MBNL2: variants seen among roughly 807,000 people sequenced by gnomAD.
MBNL2 encodes the protein muscleblind-like protein 2.
In MBNL2, 17 loss-of-function variants were observed where a neutral mutation model predicts 41.9. The ratio of observed to expected loss-of-function variants is 0.41; its 90% confidence interval spans 0.28 to 0.61. The LOEUF is 0.61. MBNL2 is among the 20% of genes least tolerant of loss of function. The probability of loss-of-function intolerance (pLI) is 0.35; values close to 1 mark genes in which losing one functional copy is unlikely to be tolerated. For synonymous variants in MBNL2, 195 were observed against 182.9 expected (o/e 1.07, Z -0.53); for missense variants, 336 against 505.6 (o/e 0.66, Z 3.22).
chr13:97,266,259 AAATT>A (rs1301370011), intron 1 of MBNL2, among the ~76,000 whole-genome samples: 85 of 151,826 alleles, frequency 5.6e-4, no homozygotes, highest in Non-Finnish European at 5.6e-4. Context: ...ATAAATAAAT[AAATT>A]AATTAATTAA....
intron 7 of MBNL2, among the ~76,000 whole-genome samples, chr13:97,364,367 T>G (rs2063680859): frequency 6.6e-6 from 1 of 152,174 alleles, no homozygotes. Flanking sequence ...CTCTGCACTA[T>G]TTTGCTCTAC....
rs774601646 is a variant in MBNL2, at chr13:97,391,443, A to G, written c.1170A>G (p.Ala390=). 1 of 1,216,660 alleles carries G rather than the reference A, an allele frequency of 8.2e-7. No homozygotes were observed. The highest frequency in any genetic ancestry group is 1.2e-5 in the South Asian group (1 of 83,106). 75.4% of individuals were successfully genotyped at this position (1,216,660 alleles called of 1,614,324 possible). ...CCTCAATAGAATTGCCACAAACTGC[A>G]TGCTAAATAAAGATGTAGTTCTTCT... ...VSSSIELPQT[A]C Residue 390 remains alanine (A), a synonymous_variant, in exon 9 of 9, where the codon GCA becomes GCG. Transcript: ENST00000679496.
rs1355637180 is a variant in MBNL2 at position 97,392,932 on chromosome 13, C to T, written c.*1483C>T. ...TAAAATATTTTAAATTTGGGATCAT[C>T]GCCTGTTCTGAAAACTAGATGCACC... On this transcript the variant is annotated 3_prime_UTR_variant, in exon 9 of 9. Coordinates refer to ENST00000679496, the MANE Select transcript of MBNL2 (RefSeq NM_001382683.1). 6.6e-6 allele frequency: 1 copy of T among 152,324 alleles called. No individual in the cohort carries two copies. The highest frequency in any genetic ancestry group is 1.5e-5 in the Non-Finnish European group (1 of 67,894). 9.4% of individuals were successfully genotyped at this position (152,324 alleles called of 1,614,324 possible). A position where few individuals can be genotyped will look rare whatever the true frequency, so the allele number is the denominator to read the frequency against.
At chr13:97,371,289 T>C (rs1444490448) in intron 8 of MBNL2, among the ~76,000 whole-genome samples, 3 of 152,142 alleles carry the variant, frequency 2.0e-5, no homozygotes, top group Non-Finnish European at 4.4e-5. Context: ...TAAAATACAA[T>C]TTATACTCCG....
chr13:97,271,871 C>T (rs1200384349), intron 1 of MBNL2, among the ~76,000 whole-genome samples: 1 of 152,134 alleles, frequency 6.6e-6, no homozygotes, highest in East Asian at 1.9e-4. Context: ...GTAAATAGTG[C>T]TGCAATAAAC....
At chr13:97,241,536 C>G (rs964021167) in intron 1 of MBNL2, among the ~76,000 whole-genome samples, 1 of 152,230 alleles carries the variant, frequency 6.6e-6, no homozygotes, top group Non-Finnish European at 1.5e-5. Context: ...CATTGTGAAT[C>G]ATTTTCAAAA....
chr13:97,195,494 A>T, the MBNL2 span, among the ~76,000 whole-genome samples: 1 of 152,202 alleles, frequency 6.6e-6, no homozygotes, highest in East Asian at 1.9e-4. Context: ...AAATTGTCTA[A>T]TAAATTCAAA....
At chr13:97,336,502 G>A (rs577565416) in intron 3 of MBNL2, among the ~76,000 whole-genome samples, 4 of 152,132 alleles carry the variant, frequency 2.6e-5, no homozygotes, top group Admixed American at 6.5e-5. Flanking sequence ...TATAAGAGAC[G>A]CTCATATAAG....
At chr13:97,166,199 T>A in the MBNL2 span, among the ~76,000 whole-genome samples, 1 of 152,230 alleles carries the variant, frequency 6.6e-6, no homozygotes. Flanking sequence ...ACTTAAAGGA[T>A]GTATTATTTG....
At chr13:97,216,466 T>C (rs918192422), upstream of MBNL2, among the ~76,000 whole-genome samples, 1 of 152,198 alleles carries the variant, frequency 6.6e-6, no homozygotes, top group Non-Finnish European at 1.5e-5. Flanking sequence ...TGAAACATTA[T>C]GTTGAGAGAG....
At chr13:97,272,858 G>T (rs2051351302) in intron 1 of MBNL2, among the ~76,000 whole-genome samples, 1 of 152,164 alleles carries the variant, frequency 6.6e-6, no homozygotes, top group African/African-American at 2.4e-5. Context: ...TTAAGCAAGT[G>T]TATCTTGGTA....
intron 2 of MBNL2, among the ~76,000 whole-genome samples, chr13:97,312,160 T>C (rs772245511): frequency 3.9e-5 from 6 of 152,326 alleles, no homozygotes; most frequent in East Asian, 3.9e-4. Context: ...TAGCTGCACA[T>C]GTCAACAGTT....
At chr13:97,244,970 T>A (rs1351900411) in intron 1 of MBNL2, among the ~76,000 whole-genome samples, 4 of 152,222 alleles carry the variant, frequency 2.6e-5, no homozygotes, top group African/African-American at 9.6e-5. Context: ...AAGAGTATTT[T>A]ATCTAATAAT....
chr13:97,256,613 T>C (rs1208185850), intron 1 of MBNL2, among the ~76,000 whole-genome samples: 4 of 152,196 alleles, frequency 2.6e-5, no homozygotes, highest in Non-Finnish European at 5.9e-5. Flanking sequence ...CTTCTTACCA[T>C]GGCTTGGTAA....
the MBNL2 span, among the ~76,000 whole-genome samples, chr13:97,181,075 C>A: frequency 1.3e-5 from 2 of 148,524 alleles, no homozygotes; most frequent in African/African-American, 5.0e-5. Context: ...TCAACTCAAT[C>A]TCTCTCTCTC....
At chr13:97,174,533 G>A in the MBNL2 span, among the ~76,000 whole-genome samples, 1 of 152,236 alleles carries the variant, frequency 6.6e-6, no homozygotes, top group Non-Finnish European at 1.5e-5. Context: ...AGGGAAAAGA[G>A]CTGAAAGCTA....
intron 4 of MBNL2, among the ~76,000 whole-genome samples, chr13:97,344,469 A>G (rs1347415270): frequency 6.6e-6 from 1 of 152,232 alleles, no homozygotes; most frequent in Non-Finnish European, 1.5e-5. Flanking sequence ...TTCAATGTGC[A>G]TTTGTTTAAA....
At chr13:97,174,318 CAG>C in the MBNL2 span, among the ~76,000 whole-genome samples, 1 of 152,172 alleles carries the variant, frequency 6.6e-6, no homozygotes, top group Admixed American at 6.5e-5. Flanking sequence ...TCTGGTTACA[CAG>C]AAAAGTTGAC....
At chr13:97,304,465 T>C (rs1243666827) in intron 2 of MBNL2, among the ~76,000 whole-genome samples, 2 of 152,258 alleles carry the variant, frequency 1.3e-5, no homozygotes, top group Admixed American at 1.3e-4. Flanking sequence ...TGATAATTGC[T>C]ATTATCCTTT....
Sources: allele counts gnomAD v4.1 joint callset (sites outside exome capture counted in the v4.1 genomes callset), GRCh38; gene constraint gnomAD v4.1.1; transcripts MANE v1.5; gene names NCBI Gene and HGNC (gene_info 2026-07-23, HGNC 2026-07-21).